Variants in CUX1 observed in about 807,000 individuals in gnomAD.
CUX1 encodes protein CASP.
CUX1 carries 31 observed loss-of-function variants against 158.8 expected under a neutral mutation model. That is an observed-to-expected ratio of 0.20 (90% CI 0.15 to 0.26). The LOEUF (loss-of-function observed/expected upper bound fraction) is 0.26, where lower values mean the gene tolerates loss of function less well. Ranked by LOEUF, CUX1 falls within the 10% of genes least tolerant of loss-of-function variation. The pLI is 1.00. For missense variants in CUX1, 1,589 were observed against 2,014.6 expected (o/e 0.79, Z 4.04); for synonymous variants, 879 against 862.1 (o/e 1.02, Z -0.34).
chr7:102,098,222 G>A (rs201459), intron 5 of CUX1, among the ~76,000 whole-genome samples: 92,019 of 152,050 alleles, frequency 0.61, 29,715 homozygotes, highest in African/African-American at 0.79. Context: ...CGGCCAGTTT[G>A]TTTTGGTTTG....
chr7:102,249,687 T>C lies in CUX1; in HGVS notation c.*645T>C, dbSNP rs1291050470. 1 of 984,116 alleles carries C rather than the reference T, an allele frequency of 1.0e-6. No individual in the cohort carries two copies. Among genetic ancestry groups the C allele is most frequent in the Non-Finnish European group, 1.2e-6 (1 of 829,428 alleles). The allele number at this position is 984,116 out of a possible 1,614,324, so 61.0% of individuals were successfully genotyped here. On this transcript the variant is annotated 3_prime_UTR_variant, in exon 24 of 24. Transcript: ENST00000292535. ...AACCAGGAAAAAATAAAAGGGGGGG[T>C]GGGATTTTTCAGAAAAATTAAAAAA...
intron 1 of CUX1, among the ~76,000 whole-genome samples, chr7:101,821,785 C>T (rs1482637554): frequency 3.6e-5 from 5 of 137,706 alleles, no homozygotes; most frequent in African/African-American, 1.3e-4. Context: ...GGCCATTCTC[C>T]TTCCTTAGTC....
At chr7:101,879,645 C>G (rs1203883009) in intron 1 of CUX1, among the ~76,000 whole-genome samples, 1 of 152,090 alleles carries the variant, frequency 6.6e-6, no homozygotes, top group Admixed American at 6.5e-5. Flanking sequence ...TGACAGTGGG[C>G]TCTCCCGGCT....
At chr7:102,037,665 A>G (rs1477034925) in intron 3 of CUX1, among the ~76,000 whole-genome samples, 1 of 152,052 alleles carries the variant, frequency 6.6e-6, no homozygotes, top group Non-Finnish European at 1.5e-5. Context: ...GGCTGGGTAG[A>G]ATTTCTTAAA....
intron 2 of CUX1, among the ~76,000 whole-genome samples, chr7:101,930,913 A>G (rs886884585): frequency 6.6e-6 from 1 of 152,192 alleles, no homozygotes; most frequent in African/African-American, 2.4e-5. Context: ...CCTGGCCAAC[A>G]TGGCGAAACC....
chr7:101,860,499 C>T (rs1421623544), intron 1 of CUX1, among the ~76,000 whole-genome samples: 1 of 152,144 alleles, frequency 6.6e-6, no homozygotes, highest in African/African-American at 2.4e-5. Flanking sequence ...CAGAATGATG[C>T]TCTGTGGGGT....
chr7:102,028,318 G>A (rs1206933187), intron 3 of CUX1, among the ~76,000 whole-genome samples, 173 bp downstream of exon 3: 3 of 152,182 alleles, frequency 2.0e-5, no homozygotes, highest in African/African-American at 4.8e-5. Flanking sequence ...TTTCCATTGG[G>A]TCCTTGGTGA....
intron 11 of CUX1, among the ~76,000 whole-genome samples, chr7:102,179,152 A>T (rs2131791280): frequency 6.6e-6 from 1 of 152,290 alleles, no homozygotes; most frequent in African/African-American, 2.4e-5. Flanking sequence ...GGTTCAAGCG[A>T]TTCTCCTGCC....
chr7:101,881,205 G>A (rs1799671678), intron 1 of CUX1, among the ~76,000 whole-genome samples: 4 of 152,198 alleles, frequency 2.6e-5, no homozygotes, highest in South Asian at 4.1e-4. Flanking sequence ...CTCGCTCACC[G>A]TAATTAAAAA....
intron 3 of CUX1, among the ~76,000 whole-genome samples, chr7:102,034,803 G>A (rs1821228651): frequency 6.6e-6 from 1 of 150,948 alleles, no homozygotes; most frequent in Non-Finnish European, 1.5e-5. Flanking sequence ...TGTGGTGGGT[G>A]CAGGCCTGTA....
At chr7:102,113,452 C>T (rs1394478861) in intron 7 of CUX1, among the ~76,000 whole-genome samples, 1 of 151,918 alleles carries the variant, frequency 6.6e-6, no homozygotes, top group Non-Finnish European at 1.5e-5. Context: ...TACGAGGTTT[C>T]GCCATGTTGG....
intron 2 of CUX1, among the ~76,000 whole-genome samples, chr7:101,980,023 A>G (rs2129212342): frequency 6.6e-6 from 1 of 152,272 alleles, no homozygotes; most frequent in Non-Finnish European, 1.5e-5. Flanking sequence ...GTACAGGCCC[A>G]GGGCTGGGTG....
intron 9 of CUX1, among the ~76,000 whole-genome samples, chr7:102,162,916 G>A (rs1352619243): frequency 6.6e-6 from 1 of 152,148 alleles, no homozygotes; most frequent in Non-Finnish European, 1.5e-5. Flanking sequence ...TATGCAAGCA[G>A]ATTCAGGCCA....
intron 4 of CUX1, among the ~76,000 whole-genome samples, chr7:102,081,448 G>A (rs1205026674): frequency 6.8e-6 from 1 of 146,322 alleles, no homozygotes; most frequent in Non-Finnish European, 1.5e-5. Context: ...GAGTTCTCAC[G>A]AGATCCGATG....
intron 5 of CUX1, among the ~76,000 whole-genome samples, chr7:102,099,221 T>TGG (rs1829533410): frequency 6.6e-6 from 1 of 152,132 alleles, no homozygotes; most frequent in African/African-American, 2.4e-5. Context: ...GACAGGCAGC[T>TGG]GGGGAAGCCA....
chr7:101,882,628 C>T (rs1172086651), intron 1 of CUX1, among the ~76,000 whole-genome samples: 1 of 152,246 alleles, frequency 6.6e-6, no homozygotes, highest in Non-Finnish European at 1.5e-5. Context: ...CTGGTTCACT[C>T]AGCAAGTGAG....
chr7:101,955,840 T>G (rs921359401), intron 2 of CUX1, among the ~76,000 whole-genome samples: 1 of 152,074 alleles, frequency 6.6e-6, no homozygotes, highest in African/African-American at 2.4e-5. Flanking sequence ...TCACAACTTT[T>G]GTTCTCTACC....
intron 20 of CUX1, among the ~76,000 whole-genome samples, chr7:102,205,403 CT>C (rs1554520830): frequency 6.6e-6 from 1 of 152,186 alleles, no homozygotes; most frequent in South Asian, 2.1e-4. Flanking sequence ...CACTGTCATC[CT>C]TTGTCGGCCC....
At chr7:101,907,441 A>G (rs1802884832) in intron 1 of CUX1, among the ~76,000 whole-genome samples, 2 of 151,998 alleles carry the variant, frequency 1.3e-5, no homozygotes, top group South Asian at 2.1e-4. Context: ...CTCCGCCCCC[A>G]GGGTTCAAGC....
Sources: allele counts gnomAD v4.1 joint callset (sites outside exome capture counted in the v4.1 genomes callset), GRCh38; gene constraint gnomAD v4.1.1; transcripts MANE v1.5; gene names NCBI Gene and HGNC (gene_info 2026-07-23, HGNC 2026-07-21).